The following SEPTIN7 variants were observed in gnomAD, a reference collection of about 807,000 sequenced individuals.
SEPTIN7 encodes septin 7, also known as septin-7.
Under a neutral mutation model 63.3 loss-of-function variants are expected in SEPTIN7, and 10 were observed. The ratio of observed to expected loss-of-function variants is 0.16; its 90% confidence interval spans 0.10 to 0.27. SEPTIN7 has a LOEUF of 0.27. SEPTIN7 is among the 10% of genes least tolerant of loss of function. SEPTIN7 has a pLI of 1.00. For missense variants in SEPTIN7, 310 were observed against 521.0 expected (o/e 0.59, Z 3.94); for synonymous variants, 131 against 165.3 (o/e 0.79, Z 1.59).
intron 1 of SEPTIN7, among the ~76,000 whole-genome samples, chr7:35,818,291 T>A (rs1478072436): frequency 1.3e-5 from 2 of 152,104 alleles, no homozygotes; most frequent in Non-Finnish European, 2.9e-5. Flanking sequence ...AATTTTCATA[T>A]GTAAAACCAA....
At chr7:35,896,044 T>C (rs1314212559) in intron 11 of SEPTIN7, among the ~76,000 whole-genome samples, 5 of 152,170 alleles carry the variant, frequency 3.3e-5, no homozygotes, top group Non-Finnish European at 7.4e-5. Context: ...CTCGTGACTT[T>C]GTGATCTGCC....
At chr7:35,864,174 T>C (rs986924621) in intron 4 of SEPTIN7, among the ~76,000 whole-genome samples, 11 of 151,966 alleles carry the variant, frequency 7.2e-5, no homozygotes, top group Non-Finnish European at 2.9e-5. Context: ...TATTAGTCAG[T>C]GGGATAATAC....
chr7:35,912,009 T>C (rs1343667186), downstream of SEPTIN7, among the ~76,000 whole-genome samples: 1 of 152,222 alleles, frequency 6.6e-6, no homozygotes, highest in East Asian at 1.9e-4. Flanking sequence ...TCTGTGTTGT[T>C]TGTCTTGTAT....
intron 10 of SEPTIN7, among the ~76,000 whole-genome samples, chr7:35,887,870 T>C (rs1450036260): frequency 2.0e-5 from 3 of 152,220 alleles, no homozygotes; most frequent in Non-Finnish European, 4.4e-5. Context: ...GGATATTTAA[T>C]AAATACTTGA....
chr7:35,817,560 C>T (rs1789150775), intron 1 of SEPTIN7, among the ~76,000 whole-genome samples: 1 of 152,018 alleles, frequency 6.6e-6, no homozygotes, highest in Non-Finnish European at 1.5e-5. Context: ...GCTTAGTTTG[C>T]TAATTTCTAC....
chr7:35,849,098 T>C (rs35890515), intron 3 of SEPTIN7, among the ~76,000 whole-genome samples: 6,656 of 152,298 alleles, frequency 0.044, 193 homozygotes, highest in Non-Finnish European at 0.066. Context: ...ATATAGAGCT[T>C]GTTTAGCTTG....
intron 1 of SEPTIN7, among the ~76,000 whole-genome samples, chr7:35,801,818 C>G (rs1788001033): frequency 6.6e-6 from 1 of 151,682 alleles, no homozygotes; most frequent in Non-Finnish European, 1.5e-5. Context: ...AAGGATGCAC[C>G]AGGCTGAGGC....
intron 4 of SEPTIN7, among the ~76,000 whole-genome samples, chr7:35,869,704 T>C (rs1413706820): frequency 6.6e-6 from 1 of 152,198 alleles, no homozygotes; most frequent in Non-Finnish European, 1.5e-5. Flanking sequence ...ACTGGAACTC[T>C]TGTATACTGT....
At chr7:35,888,948 A>G (rs1787462792) in intron 10 of SEPTIN7, 1 of 275,488 alleles carries the variant, frequency 3.6e-6, no homozygotes, top group African/African-American at 2.2e-5. Flanking sequence ...ATCATATCTC[A>G]GCTTCAATCT....
At chr7:35,876,616 C>A (rs1286250804) in intron 6 of SEPTIN7, among the ~76,000 whole-genome samples, 2 of 152,048 alleles carry the variant, frequency 1.3e-5, no homozygotes, top group Non-Finnish European at 2.9e-5. Context: ...GCAGGAGGAC[C>A]ATTGCTTGAG....
At chr7:35,832,099 G>A (rs1391537237) in intron 2 of SEPTIN7, 4 of 453,614 alleles carry the variant, frequency 8.8e-6, no homozygotes, top group African/African-American at 4.0e-5. Context: ...AGTTACTCAC[G>A]AAACTATTGT....
At position 35,813,372 on chromosome 7, in the gene SEPTIN7, T is replaced by G. The variant is rs980223452; in HGVS notation, c.61+12102T>G. On this transcript the variant is annotated intron_variant, in intron 1 of 13. Coordinates refer to ENST00000350320, the MANE Select transcript of SEPTIN7 (RefSeq NM_001788.6). The stretch of plus-strand genomic sequence containing the variant: ...AATATTCAGTATTCCTTTTTTTTTT[T>G]TGGAAAGAGTCTCGCTCTGTCACCC... Among the ~76,000 whole-genome samples the G allele has an allele frequency of 4.6e-5, 7 of 152,234 alleles. 1 individual carries two copies. The highest frequency in any genetic ancestry group is 1.7e-4 in the African/African-American group (7 of 41,528).
chr7:35,897,162 C>T (rs1325792872), intron 11 of SEPTIN7, among the ~76,000 whole-genome samples: 4 of 152,028 alleles, frequency 2.6e-5, no homozygotes, highest in Non-Finnish European at 4.4e-5. Flanking sequence ...AAAAAATTAG[C>T]GTATTACAGT....
At chr7:35,866,208 C>G (rs1785797774) in intron 4 of SEPTIN7, among the ~76,000 whole-genome samples, 1 of 152,192 alleles carries the variant, frequency 6.6e-6, no homozygotes, top group African/African-American at 2.4e-5. Flanking sequence ...CATCTAAACT[C>G]TTTTGCCCAC....
In SEPTIN7 at chr7:35,905,788, C is replaced by T. The variant is rs1788582677; in HGVS notation, c.*1495C>T. 6.6e-6 allele frequency: 1 copy of T among 152,194 alleles called. No individual in the cohort carries two copies. Among genetic ancestry groups the T allele is most frequent in the Admixed American group, 6.5e-5 (1 of 15,276 alleles). 9.4% of individuals were successfully genotyped at this position (152,194 alleles called of 1,614,324 possible). A position where few individuals can be genotyped will look rare whatever the true frequency, so the allele number is the denominator to read the frequency against. On this transcript the variant is annotated 3_prime_UTR_variant, in exon 14 of 14. Transcript: ENST00000350320. ...TTCTGACTCATTCAGATTAGGTATA[C>T]TCTCAAGTCCCTGGAAACTGAAATT...
At chr7:35,840,570 G>A (rs75775405) in intron 3 of SEPTIN7, among the ~76,000 whole-genome samples, 3,901 of 151,892 alleles carry the variant, frequency 0.026, 124 homozygotes, top group East Asian at 0.08. Flanking sequence ...GAGTCATCAT[G>A]CCTGGCCAGC....
chr7:35,883,039 C>T (rs1786997993), intron 8 of SEPTIN7, among the ~76,000 whole-genome samples: 1 of 151,946 alleles, frequency 6.6e-6, no homozygotes, highest in African/African-American at 2.4e-5. Flanking sequence ...TTTCAGATAG[C>T]TAGAAGAGGA....
At chr7:35,808,149 T>G (rs1268632482) in intron 1 of SEPTIN7, among the ~76,000 whole-genome samples, 5 of 152,194 alleles carry the variant, frequency 3.3e-5, no homozygotes, top group African/African-American at 1.2e-4. Flanking sequence ...TTTTAATAGG[T>G]AATATAATCA....
chr7:35,804,288 G>C (rs1788187501), intron 1 of SEPTIN7, among the ~76,000 whole-genome samples: 1 of 152,220 alleles, frequency 6.6e-6, no homozygotes, highest in African/African-American at 2.4e-5. Flanking sequence ...CGGTGACTCT[G>C]CTTTAGGCCT....
Sources: allele counts gnomAD v4.1 joint callset (sites outside exome capture counted in the v4.1 genomes callset), GRCh38; gene constraint gnomAD v4.1.1; transcripts MANE v1.5; gene names NCBI Gene and HGNC (gene_info 2026-07-23, HGNC 2026-07-21).